GYPC: variants seen among roughly 807,000 people sequenced by gnomAD.
The protein encoded by GYPC is glycophorin C (Gerbich blood group).
A neutral mutation model predicts 12.6 loss-of-function variants in GYPC; 14 were observed. The observed-to-expected ratio is 1.11, with a 90% confidence interval of 0.74 to 1.74. GYPC has a LOEUF of 1.74. Among genes scored for constraint, GYPC ranks in the 40% most tolerant of loss-of-function variants. The probability of loss-of-function intolerance (pLI) is 0.00; values close to 1 mark genes in which losing one functional copy is unlikely to be tolerated. For missense variants in GYPC, 225 were observed against 172.1 expected (o/e 1.31, Z -1.72); for synonymous variants, 78 against 62.1 (o/e 1.26, Z -1.20).
intron 1 of GYPC, among the ~76,000 whole-genome samples, chr2:126,675,293 ATC>A (rs991303412): frequency 6.6e-6 from 1 of 152,228 alleles, no homozygotes; most frequent in Non-Finnish European, 1.5e-5. Flanking sequence ...TCTGAGACAC[ATC>A]TTAATTTTTA....
intron 2 of GYPC, among the ~76,000 whole-genome samples, chr2:126,691,093 C>A (rs1442326278): frequency 6.6e-6 from 1 of 152,018 alleles, no homozygotes; most frequent in Non-Finnish European, 1.5e-5. Flanking sequence ...AAGTGTTCCC[C>A]TGAAGGCAGT....
rs550344030 is a variant in GYPC at position 126,690,488 on chromosome 2, G to A, written c.106+177G>A. 1.1e-4 allele frequency among the ~76,000 whole-genome samples: 16 copies of A among 152,276 alleles called. 1 individual carries two copies. Among genetic ancestry groups the A allele is most frequent in the South Asian group, 2.1e-4 (1 of 4,820 alleles). On this transcript the variant is annotated intron_variant, in intron 2 of 3. Transcript: ENST00000259254. ...TGGCCATTTTTTCTCTCCCTCAGAG[G>A]TGGTTTTGAATGTGGAATGGAGGAG... is the stretch of plus-strand genomic sequence containing the variant.
At chr2:126,661,862 G>A (rs28387098) in intron 1 of GYPC, among the ~76,000 whole-genome samples, 81 of 152,270 alleles carry the variant, frequency 5.3e-4, no homozygotes, top group African/African-American at 1.8e-3. Flanking sequence ...AGGAAGCTCC[G>A]CTTCGGGGCA....
intron 2 of GYPC, among the ~76,000 whole-genome samples, chr2:126,692,637 G>A (rs1197047587): frequency 6.6e-6 from 1 of 152,160 alleles, no homozygotes; most frequent in Non-Finnish European, 1.5e-5. Context: ...CTGTGCAGCA[G>A]CTCTAGGAAA....
In GYPC at chr2:126,696,578, G is replaced by A. The variant is rs1683654645; in HGVS notation, c.*436G>A. The A allele has an allele frequency of 3.7e-6, 1 of 267,962 alleles. No individual in the cohort carries two copies. The highest frequency in any genetic ancestry group is 2.2e-5 in the African/African-American group (1 of 45,456). 16.6% of individuals were successfully genotyped at this position (267,962 alleles called of 1,614,324 possible). On this transcript the variant is annotated 3_prime_UTR_variant, in exon 4 of 4. Coordinates refer to ENST00000259254, the MANE Select transcript of GYPC (RefSeq NM_002101.5). ...TCAAATGTCAGTCCTTGACATTTGG[G>A]GGGAACAGCAGGTGCCAGAGCTAAA...
At chr2:126,674,457 G>C (rs550042844) in intron 1 of GYPC, among the ~76,000 whole-genome samples, 4 of 63,800 alleles carry the variant, frequency 6.3e-5, no homozygotes, top group East Asian at 3.2e-4. Flanking sequence ...GAAACAAGTG[G>C]GGGGGGAATA....
chr2:126,661,384 A>G (rs567709075), intron 1 of GYPC, among the ~76,000 whole-genome samples: 1 of 151,404 alleles, frequency 6.6e-6, no homozygotes, highest in Non-Finnish European at 1.5e-5. Flanking sequence ...AGAACTCTCT[A>G]TGGAATTGCA....
chr2:126,690,421 TC>T, intron 2 of GYPC, 110 bp downstream of exon 2: 1 of 836,510 alleles, frequency 1.2e-6, no homozygotes, highest in Non-Finnish European at 2.1e-6. Context: ...GGTGAAAACA[TC>T]CAGGGGAGAA....
At chr2:126,675,687 G>C in intron 1 of GYPC, 2 of 985,220 alleles carry the variant, frequency 2.0e-6, no homozygotes, top group Non-Finnish European at 2.4e-6. Flanking sequence ...CACTACCCGA[G>C]AAAACGCAGA....
intron 1 of GYPC, among the ~76,000 whole-genome samples, chr2:126,669,703 C>T (rs1246696926): frequency 1.3e-5 from 2 of 152,178 alleles, no homozygotes; most frequent in Non-Finnish European, 2.9e-5. Flanking sequence ...AGTCAAAATG[C>T]CTCTTTCAGG....
At chr2:126,684,367 C>A (rs113885980) in intron 1 of GYPC, among the ~76,000 whole-genome samples, 2 of 152,174 alleles carry the variant, frequency 1.3e-5, no homozygotes, top group Non-Finnish European at 2.9e-5. Flanking sequence ...ATACATCCAG[C>A]AGGTCCCTGG....
chr2:126,681,737 C>T (rs1683153682), intron 1 of GYPC, among the ~76,000 whole-genome samples: 1 of 150,132 alleles, frequency 6.7e-6, no homozygotes, highest in Admixed American at 6.6e-5. Context: ...CAAGATTGCG[C>T]CATTGCACTC....
At chr2:126,695,194 C>T (rs372410085) in intron 3 of GYPC, among the ~76,000 whole-genome samples, 190 of 152,314 alleles carry the variant, frequency 1.2e-3, no homozygotes, top group African/African-American at 4.5e-3. Flanking sequence ...TTTTTTCCCC[C>T]TGTATAGTGT....
intron 1 of GYPC, among the ~76,000 whole-genome samples, chr2:126,687,579 A>G (rs1231795591): frequency 6.6e-6 from 1 of 152,212 alleles, no homozygotes; most frequent in Non-Finnish European, 1.5e-5. Flanking sequence ...AGTCTGTCAC[A>G]TTGTGAAACA....
At chr2:126,681,186 C>A (rs559963084) in intron 1 of GYPC, among the ~76,000 whole-genome samples, 129 of 152,308 alleles carry the variant, frequency 8.5e-4, no homozygotes, top group Admixed American at 2.5e-3. Context: ...AAGCGTATTT[C>A]TTTTCATCGC....
intron 1 of GYPC, among the ~76,000 whole-genome samples, chr2:126,660,419 G>A (rs1682504032): frequency 6.6e-6 from 1 of 152,102 alleles, no homozygotes; most frequent in Admixed American, 6.5e-5. Context: ...AACTGTTCAC[G>A]ACAGGCCCCT....
In GYPC at chr2:126,688,141, G is replaced by T. The variant is rs114081192; in HGVS notation, c.50-2114G>T. ...CATTAAATGTTGAGAGCAGCACCTG[G>T]CATTTAGTATGAAATTATTAACTGT... On this transcript the variant is annotated intron_variant, in intron 1 of 3. Coordinates refer to ENST00000259254, the MANE Select transcript of GYPC (RefSeq NM_002101.5). Among the ~76,000 whole-genome samples, 557 of 152,306 alleles carry T rather than the reference G, an allele frequency of 3.7e-3. 6 individuals are homozygous for T. Among genetic ancestry groups the T allele is most frequent in the African/African-American group, 0.013 (528 of 41,558 alleles).
intron 1 of GYPC, among the ~76,000 whole-genome samples, chr2:126,689,711 C>A (rs1292312726): frequency 6.6e-6 from 1 of 152,124 alleles, no homozygotes; most frequent in Non-Finnish European, 1.5e-5. Flanking sequence ...TCCCCTTCTG[C>A]TTTTTGCCAT....
At chr2:126,689,233 G>A (rs1683380558) in intron 1 of GYPC, among the ~76,000 whole-genome samples, 2 of 152,210 alleles carry the variant, frequency 1.3e-5, no homozygotes, top group African/African-American at 4.8e-5. Context: ...AAGAGAGAAA[G>A]TGCACTCCAG....
Sources: allele counts gnomAD v4.1 joint callset (sites outside exome capture counted in the v4.1 genomes callset), GRCh38; gene constraint gnomAD v4.1.1; transcripts MANE v1.5; gene names NCBI Gene and HGNC (gene_info 2026-07-23, HGNC 2026-07-21).